The following GDAP2 variants were observed in gnomAD, a reference collection of about 807,000 sequenced individuals.
GDAP2 encodes ganglioside-induced differentiation-associated protein 2.
A neutral mutation model predicts 67.0 loss-of-function variants in GDAP2; 51 were observed. That is an observed-to-expected ratio of 0.76 (90% CI 0.61 to 0.96). The LOEUF (loss-of-function observed/expected upper bound fraction) is 0.96, where lower values mean the gene tolerates loss of function less well. Ranked by LOEUF, GDAP2 falls within the 40% of genes least tolerant of loss-of-function variation. The pLI is 0.00. For missense variants in GDAP2, 547 were observed against 588.3 expected (o/e 0.93, Z 0.73); for synonymous variants, 203 against 207.3 (o/e 0.98, Z 0.18).
At chr1:117,897,311 G>A (rs1197343761) in intron 7 of GDAP2, among the ~76,000 whole-genome samples, 1 of 152,138 alleles carries the variant, frequency 6.6e-6, no homozygotes, top group Non-Finnish European at 1.5e-5. Context: ...TTTAAAGATG[G>A]CTCATTGCAC....
chr1:117,928,222 A>T (rs1279440210), intron 1 of GDAP2, among the ~76,000 whole-genome samples: 1 of 152,248 alleles, frequency 6.6e-6, no homozygotes, highest in African/African-American at 2.4e-5. Context: ...GAATATTGAA[A>T]TAAATGTGCA....
intron 13 of GDAP2, among the ~76,000 whole-genome samples, chr1:117,871,704 T>C (rs1272999026): frequency 6.6e-6 from 1 of 152,032 alleles, no homozygotes; most frequent in African/African-American, 2.4e-5. Flanking sequence ...ACAAGACATC[T>C]AGGAAAACTT....
intron 2 of GDAP2, among the ~76,000 whole-genome samples, chr1:117,919,138 G>A (rs1023168363): frequency 1.3e-5 from 2 of 152,174 alleles, no homozygotes; most frequent in Admixed American, 1.3e-4. Flanking sequence ...ACTTTGGGAG[G>A]CCGAGGCAGA....
intron 6 of GDAP2, among the ~76,000 whole-genome samples, chr1:117,905,443 C>T (rs1221434131): frequency 2.0e-5 from 3 of 152,136 alleles, no homozygotes; most frequent in African/African-American, 7.2e-5. Context: ...TGCCTCTCTC[C>T]CTCGGCAAAT....
At chr1:117,895,293 C>A (rs1451411692) in intron 8 of GDAP2, among the ~76,000 whole-genome samples, 1 of 152,014 alleles carries the variant, frequency 6.6e-6, no homozygotes, top group Non-Finnish European at 1.5e-5. Context: ...GTCAGGTTTT[C>A]TTCATATACA....
intron 5 of GDAP2, among the ~76,000 whole-genome samples, chr1:117,908,847 A>T (rs1275200803): frequency 1.3e-5 from 2 of 151,946 alleles, no homozygotes; most frequent in African/African-American, 4.8e-5. Context: ...AAATAAATAA[A>T]TAAATAAATA....
chr1:117,905,065 C>G (rs955360215), intron 6 of GDAP2, among the ~76,000 whole-genome samples: 1 of 152,292 alleles, frequency 6.6e-6, no homozygotes, highest in East Asian at 1.9e-4. Flanking sequence ...AACTTATTTA[C>G]TAAATGTTTA....
In GDAP2 at chr1:117,867,458, G is replaced by T. The variant is rs191385237; in HGVS notation, c.*3111C>A. On this transcript the variant is annotated 3_prime_UTR_variant, in exon 14 of 14. Coordinates refer to ENST00000369443, the MANE Select transcript of GDAP2 (RefSeq NM_017686.4). ...AAGCCCAACACTTTGGGAGGCCGAGGCAGGAAGATCACTTGAGGTCAGGAG... is the reference window on the plus strand; with the variant it reads ...AAGCCCAACACTTTGGGAGGCCGAGTCAGGAAGATCACTTGAGGTCAGGAG... The T allele has an allele frequency of 6.6e-6, 1 of 150,736 alleles. No individual in the cohort carries two copies. Among genetic ancestry groups the T allele is most frequent in the Non-Finnish European group, 1.5e-5 (1 of 67,940 alleles). 9.3% of individuals were successfully genotyped at this position (150,736 alleles called of 1,614,324 possible). A position where few individuals can be genotyped will look rare whatever the true frequency, so the allele number is the denominator to read the frequency against.
chr1:117,890,367 C>T (rs1335843296), intron 8 of GDAP2, among the ~76,000 whole-genome samples: 1 of 152,120 alleles, frequency 6.6e-6, no homozygotes, highest in Non-Finnish European at 1.5e-5. Flanking sequence ...ATATTTGTCT[C>T]TCATTTCTAG....
rs891017820 is a variant in GDAP2 at position 117,863,922 on chromosome 1, T to C, written c.*6647A>G. The C allele has an allele frequency of 6.6e-6, 1 of 152,196 alleles. No homozygotes were observed. The highest frequency in any genetic ancestry group is 2.4e-5 in the African/African-American group (1 of 41,450). The allele number at this position is 152,196 out of a possible 1,614,324, so 9.4% of individuals were successfully genotyped here. On this transcript the variant is annotated 3_prime_UTR_variant, in exon 14 of 14. Transcript: ENST00000369443. ...TTATGTACATTATTGCATTTGTTCC[T>C]CCTAATTATTCAATTAATATTATCC... is the stretch of plus-strand genomic sequence containing the variant.
chr1:117,896,607 A>G (rs1270229021), intron 8 of GDAP2: 4 of 370,440 alleles, frequency 1.1e-5, no homozygotes, highest in Non-Finnish European at 1.9e-5. Context: ...GAAATCAGAC[A>G]TGTATCTGAC....
intron 7 of GDAP2, among the ~76,000 whole-genome samples, chr1:117,897,842 G>A (rs1303995492): frequency 6.6e-6 from 1 of 152,122 alleles, no homozygotes; most frequent in Non-Finnish European, 1.5e-5. Flanking sequence ...GATTGGAAGG[G>A]CCTGCTTTCA....
intron 5 of GDAP2, among the ~76,000 whole-genome samples, 174 bp downstream of exon 5, chr1:117,911,820 A>C (rs1419102554): frequency 2.0e-5 from 3 of 151,062 alleles, no homozygotes; most frequent in Non-Finnish European, 4.4e-5. Flanking sequence ...GCTGGAGTGC[A>C]GTGGCTATTC....
At chr1:117,912,447 T>C in intron 4 of GDAP2, 83 bp downstream of exon 4, 1 of 1,252,720 alleles carries the variant, frequency 8.0e-7, no homozygotes, top group Admixed American at 2.3e-5. Flanking sequence ...TTTTAATCTT[T>C]AAAAACTGGG....
chr1:117,897,536 T>C (rs1649308240), intron 7 of GDAP2, among the ~76,000 whole-genome samples: 2 of 152,232 alleles, frequency 1.3e-5, no homozygotes, highest in South Asian at 2.1e-4. Flanking sequence ...ACCAACCTAG[T>C]TATTTTGGTC....
At chr1:117,918,419 T>C (rs1470256207) in intron 3 of GDAP2, among the ~76,000 whole-genome samples, 178 bp downstream of exon 3, 1 of 152,218 alleles carries the variant, frequency 6.6e-6, no homozygotes, top group Non-Finnish European at 1.5e-5. Context: ...TTTTAACACA[T>C]TTCAAAATGT....
chr1:117,912,729 C>A lies in GDAP2; in HGVS notation c.317-46G>T, dbSNP rs953742491. 4 of 1,524,070 alleles carry A rather than the reference C, an allele frequency of 2.6e-6. No homozygotes were observed. The South Asian group carries it at 3.5e-5, about 13-fold the overall frequency. The allele number at this position is 1,524,070 out of a possible 1,614,324, so 94.4% of individuals were successfully genotyped here. ...CATAAGTTTGGATGTGTTAGGAAAA[C>A]AGAAACAAAAACAAATGAAAGCATG... On this transcript the variant is annotated intron_variant, in intron 3 of 13. Coordinates refer to ENST00000369443, the MANE Select transcript of GDAP2 (RefSeq NM_017686.4).
intron 6 of GDAP2, among the ~76,000 whole-genome samples, chr1:117,903,145 G>C (rs964978847): frequency 4.6e-5 from 7 of 151,868 alleles, no homozygotes; most frequent in Admixed American, 1.3e-4. Flanking sequence ...AACTCTATTA[G>C]TTCTAACAGT....
chr1:117,894,649 TTTGA>T (rs749089480), intron 8 of GDAP2, among the ~76,000 whole-genome samples: 5 of 152,178 alleles, frequency 3.3e-5, no homozygotes, highest in Non-Finnish European at 5.9e-5. Context: ...AAAAGCACTA[TTTGA>T]TTGAGTTGTG....
Sources: allele counts gnomAD v4.1 joint callset (sites outside exome capture counted in the v4.1 genomes callset), GRCh38; gene constraint gnomAD v4.1.1; transcripts MANE v1.5; gene names NCBI Gene and HGNC (gene_info 2026-07-23, HGNC 2026-07-21).